Variants in CTNS observed in about 807,000 individuals in gnomAD.
The protein encoded by CTNS is cystinosin, lysosomal cystine transporter, also known as cystinosin.
CTNS carries 27 observed loss-of-function variants against 43.7 expected under a neutral mutation model. That is an observed-to-expected ratio of 0.62 (90% CI 0.46 to 0.85). The LOEUF is 0.85. Ranked by LOEUF, CTNS falls within the 40% of genes least tolerant of loss-of-function variation. CTNS has a pLI of 0.00. For synonymous variants in CTNS, 187 were observed against 190.6 expected, an observed-to-expected ratio of 0.98 and a Z score of 0.16; for missense variants, 457 against 475.4, an observed-to-expected ratio of 0.96 and a Z score of 0.36.
intron 5 of CTNS, among the ~76,000 whole-genome samples, chr17:3,651,175 A>G (rs1234451155): frequency 6.6e-6 from 1 of 151,354 alleles, no homozygotes; most frequent in Non-Finnish European, 1.5e-5. Context: ...GCTCACCGCA[A>G]CCTCCACCTC....
chr17:3,642,621 G>T (rs550671741), intron 3 of CTNS, among the ~76,000 whole-genome samples: 2 of 151,994 alleles, frequency 1.3e-5, no homozygotes, highest in South Asian at 4.2e-4. Context: ...CGGGAGGCAG[G>T]AGGTTGCAGT....
intron 3 of CTNS, among the ~76,000 whole-genome samples, chr17:3,641,220 G>T (rs1238358636): frequency 6.6e-6 from 1 of 151,306 alleles, no homozygotes; most frequent in Non-Finnish European, 1.5e-5. Flanking sequence ...TGAGGCCCGT[G>T]CCCTTCTAGC....
At chr17:3,659,268 T>G (rs781506686) in intron 10 of CTNS, among the ~76,000 whole-genome samples, 9 of 151,918 alleles carry the variant, frequency 5.9e-5, no homozygotes, top group Admixed American at 2.0e-4. Flanking sequence ...GCACAGGCAG[T>G]CAGACTGGGG....
chr17:3,657,724 C>T, intron 9 of CTNS: 6 of 523,650 alleles, frequency 1.1e-5, no homozygotes, highest in South Asian at 2.1e-5. Flanking sequence ...ACAAAGCAGA[C>T]AGAGCTTGAG....
chr17:3,661,148 C>T lies in CTNS; in HGVS notation c.*779C>T, dbSNP rs1050267229. On this transcript the variant is annotated 3_prime_UTR_variant, in exon 12 of 12. Coordinates refer to ENST00000046640, the MANE Select transcript of CTNS (RefSeq NM_004937.3). ...CATCCAGCTGCTCCTTACCCAGCAT[C>T]TGGAGTACAGGACATAGCTCTCTCC... 1 of 324,674 alleles carries T rather than the reference C, an allele frequency of 3.1e-6. No homozygotes were observed. Among genetic ancestry groups the T allele is most frequent in the Admixed American group, 4.3e-5 (1 of 23,196 alleles). The allele number at this position is 324,674 out of a possible 1,614,324, so 20.1% of individuals were successfully genotyped here.
intron 10 of CTNS, 36 bp downstream of exon 10, chr17:3,658,211 G>A (rs56994732): frequency 6.2e-7 from 1 of 1,610,606 alleles, no homozygotes. Context: ...GCCGGTGGCA[G>A]GAGAGGTGAG....
At chr17:3,657,358 G>A (rs973672658) in intron 9 of CTNS, among the ~76,000 whole-genome samples, 5 of 152,206 alleles carry the variant, frequency 3.3e-5, no homozygotes, top group Non-Finnish European at 5.9e-5. Context: ...CATGGGTGTC[G>A]GCAGGGCAGG....
chr17:3,648,713 C>G (rs886388746), intron 4 of CTNS, 134 bp from the exon 5 acceptor site: 2 of 770,324 alleles, frequency 2.6e-6, no homozygotes, highest in African/African-American at 3.4e-5. Context: ...ACCTGGCTAC[C>G]CATCAGGGTG....
chr17:3,639,595 G>C (rs991587920), intron 2 of CTNS, among the ~76,000 whole-genome samples: 1 of 151,874 alleles, frequency 6.6e-6, no homozygotes, highest in Non-Finnish European at 1.5e-5. Flanking sequence ...TTGAACCCAG[G>C]GGGTGGAGGT....
Position 3,661,992 on chromosome 17 carries a change from C to T in CTNS, c.*1623C>T, listed in dbSNP as rs1567719445. 6.6e-6 allele frequency among the ~76,000 whole-genome samples: 1 copy of T among 152,208 alleles called. No individual in the cohort carries two copies. The highest frequency in any genetic ancestry group is 1.5e-5 in the Non-Finnish European group (1 of 68,040). ...AGTAAATGTGTTACTGGGTGCCCTA[C>T]TTTAAAAATCAGAGATTTCAAATGA... is the stretch of plus-strand genomic sequence containing the variant. On this transcript the variant is annotated 3_prime_UTR_variant, in exon 12 of 12. Coordinates refer to ENST00000046640, the MANE Select transcript of CTNS (RefSeq NM_004937.3).
rs770513166 is a variant in CTNS, at chr17:3,660,331, T to C, written c.1066T>C (p.Leu356=). 3.1e-6 allele frequency: 5 copies of C among 1,614,204 alleles called. No individual in the cohort carries two copies. Among genetic ancestry groups the C allele is most frequent in the Non-Finnish European group, 3.4e-6 (4 of 1,180,030 alleles). The change falls in exon 12 of 12, where the codon TTG becomes CTG. Residue 356 remains leucine (L), a synonymous_variant. Coordinates refer to ENST00000046640, the MANE Select transcript of CTNS (RefSeq NM_004937.3). Reference sequence around the variant, plus strand: ...CGTCTTCTTCATCCAGCACTTCTGTTTGTACAGAAAGAGACCGGGGTATGA... The same window carrying C: ...CGTCTTCTTCATCCAGCACTTCTGTCTGTACAGAAAGAGACCGGGGTATGA... ...DVVFFIQHFC[L]YRKRPGYDQL...
rs572393960 is a variant in CTNS, at chr17:3,662,049, G to A, written c.*1680G>A. Among the ~76,000 whole-genome samples the A allele has an allele frequency of 3.9e-5, 6 of 152,148 alleles. No individual in the cohort carries two copies. The highest frequency in any genetic ancestry group is 7.4e-5 in the Non-Finnish European group (5 of 68,024). The stretch of plus-strand genomic sequence containing the variant: ...TTTCCGGCTGAGTGCGGTGGCTCAC[G>A]CCTGTAATCCCAGCACTTTGGGAGG... On this transcript the variant is annotated 3_prime_UTR_variant, in exon 12 of 12. Coordinates refer to ENST00000046640, the MANE Select transcript of CTNS (RefSeq NM_004937.3).
Position 3,658,666 on chromosome 17 carries a change from C to T in CTNS, c.852+491C>T, listed in dbSNP as rs543252119. ...GGGTCAGGGCTGAAGTTGCTGCACC[C>T]GGGGACCTAGGGCCTCATTTAACTC... is the stretch of plus-strand genomic sequence containing the variant. On this transcript the variant is annotated intron_variant, in intron 10 of 11. Coordinates refer to ENST00000046640, the MANE Select transcript of CTNS (RefSeq NM_004937.3). Among the ~76,000 whole-genome samples the T allele has an allele frequency of 3.5e-4, 54 of 152,342 alleles. 1 individual carries two copies. In the Middle Eastern group the frequency reaches 0.01, roughly 29 times the overall value.
intron 5 of CTNS, among the ~76,000 whole-genome samples, chr17:3,651,523 G>A (rs113541343): frequency 0.028 from 4,236 of 152,254 alleles, 80 homozygotes; most frequent in African/African-American, 0.051. Context: ...CGGGGCCAGC[G>A]GAGGCTGGAG....
intron 5 of CTNS, chr17:3,650,250 G>C: frequency 1.3e-6 from 2 of 1,550,512 alleles, no homozygotes; most frequent in Non-Finnish European, 1.7e-6. Context: ...CTGCAAATCA[G>C]CTCTGAGCCC....
intron 10 of CTNS, 104 bp from the exon 11 acceptor site, chr17:3,659,754 G>C (rs367554367): frequency 3.7e-6 from 3 of 818,590 alleles, no homozygotes; most frequent in Admixed American, 3.8e-5. Flanking sequence ...GCCCCAGTGG[G>C]AGGAATGAGA....
At chr17:3,648,741 T>TCC in intron 4 of CTNS, 106 bp from the exon 5 acceptor site, 29 of 975,200 alleles carry the variant, frequency 3.0e-5, no homozygotes, top group Non-Finnish European at 4.5e-5. Flanking sequence ...TAGCATTTCC[T>TCC]AAGCCTAACT....
At chr17:3,639,400 G>C (rs963351302) in intron 2 of CTNS, among the ~76,000 whole-genome samples, 1 of 152,148 alleles carries the variant, frequency 6.6e-6, no homozygotes, top group African/African-American at 2.4e-5. Context: ...AGGCGCGGTG[G>C]CTCCTACCTG....
intron 5 of CTNS, 47 bp downstream of exon 5, chr17:3,648,978 G>T (rs1246252491): frequency 6.9e-7 from 1 of 1,446,612 alleles, no homozygotes; most frequent in South Asian, 1.1e-5. Context: ...CTAGGTAACA[G>T]AACACATTTG....
Sources: gnomAD v4.1 joint callset for allele counts (sites outside exome capture counted in the v4.1 genomes callset) on GRCh38, gnomAD v4.1.1 for gene constraint, MANE v1.5 for transcripts, NCBI Gene and HGNC (gene_info 2026-07-23, HGNC 2026-07-21) for gene names.